Variants in PRKG1 observed in about 807,000 individuals in gnomAD.
PRKG1 encodes the protein protein kinase cGMP-dependent 1, also known as cGMP-dependent protein kinase 1.
Under a neutral mutation model 88.1 loss-of-function variants are expected in PRKG1, and 35 were observed. The ratio of observed to expected loss-of-function variants is 0.40; its 90% CI spans 0.30 to 0.53. The LOEUF (loss-of-function observed/expected upper bound fraction) is 0.53, where lower values mean the gene tolerates loss of function less well. Ranked by LOEUF, PRKG1 falls within the 20% of genes least tolerant of loss-of-function variation. PRKG1 has a pLI of 0.59. For missense variants in PRKG1, 540 were observed against 839.8 expected (o/e 0.64, Z 4.41); for synonymous variants, 303 against 292.5 (o/e 1.04, Z -0.37).
intron 3 of PRKG1, among the ~76,000 whole-genome samples, chr10:51,717,756 C>T (rs567061064): frequency 6.6e-6 from 1 of 151,300 alleles, no homozygotes; most frequent in Non-Finnish European, 1.5e-5. Context: ...GGCGTGAACC[C>T]GGGAGGCGGA....
At chr10:51,898,132 A>C (rs1453229311) in intron 4 of PRKG1, among the ~76,000 whole-genome samples, 1 of 152,036 alleles carries the variant, frequency 6.6e-6, no homozygotes, top group African/African-American at 2.4e-5. Context: ...CTCTGCCTGG[A>C]TGCTCTTCCC....
chr10:52,223,325 G>A (rs1036879837), intron 9 of PRKG1, among the ~76,000 whole-genome samples: 12 of 137,358 alleles, frequency 8.7e-5, no homozygotes, highest in Admixed American at 2.2e-4. Context: ...TGATTATCAC[G>A]TCTTACTTGA....
At chr10:51,945,614 T>C (rs1427972718) in intron 5 of PRKG1, among the ~76,000 whole-genome samples, 1 of 151,856 alleles carries the variant, frequency 6.6e-6, no homozygotes, top group African/African-American at 2.4e-5. Flanking sequence ...TTTCCATGTT[T>C]AGTGCTTCCT....
intron 7 of PRKG1, among the ~76,000 whole-genome samples, chr10:52,102,789 G>A (rs951753570): frequency 1.3e-5 from 2 of 152,016 alleles, no homozygotes; most frequent in Non-Finnish European, 2.9e-5. Context: ...AGACAATCTG[G>A]CAGAAGATTT....
rs112847288 is a variant in PRKG1 at position 51,710,365 on chromosome 10, A to AT, written c.593-94210dup. Among the ~76,000 whole-genome samples, 619 of 151,122 alleles carry AT rather than the reference A, an allele frequency of 4.1e-3. 4 individuals carry two copies. The highest frequency in any genetic ancestry group is 0.027 in the Middle Eastern group (8 of 292). On this transcript the variant is annotated intron_variant, in intron 3 of 17. Coordinates refer to ENST00000373980, the MANE Select transcript of PRKG1 (RefSeq NM_006258.4). Reference sequence around the variant, plus strand: ...CTCTTTCTGAGGTTCAAGATGAAAGATTTTTTTTTTCTTTATTACTGAGAA... The same window carrying AT: ...CTCTTTCTGAGGTTCAAGATGAAAGATTTTTTTTTTTCTTTATTACTGAGAA...
intron 17 of PRKG1, among the ~76,000 whole-genome samples, chr10:52,290,548 T>C (rs1373258719): frequency 2.0e-5 from 3 of 152,166 alleles, no homozygotes; most frequent in African/African-American, 7.2e-5. Context: ...TTTATGAACA[T>C]AAGTTAATTT....
At chr10:52,010,302 G>T (rs1363996990) in intron 5 of PRKG1, among the ~76,000 whole-genome samples, 1 of 151,946 alleles carries the variant, frequency 6.6e-6, no homozygotes, top group Admixed American at 6.6e-5. Context: ...TCCAGAATCT[G>T]TAAGGAACTT....
At chr10:51,114,078 A>G (rs561094138) in intron 1 of PRKG1, among the ~76,000 whole-genome samples, 2 of 152,118 alleles carry the variant, frequency 1.3e-5, no homozygotes, top group South Asian at 4.2e-4. Context: ...CTAGCATTTA[A>G]CATCTTCCAG....
upstream of PRKG1, among the ~76,000 whole-genome samples, chr10:51,069,731 G>C (rs1260405910): frequency 1.3e-5 from 2 of 152,014 alleles, no homozygotes; most frequent in Non-Finnish European, 2.9e-5. Flanking sequence ...CAGTAATGTG[G>C]AAAGCAAAAT....
At chr10:52,062,216 T>G (rs995113348) in intron 6 of PRKG1, among the ~76,000 whole-genome samples, 2 of 152,092 alleles carry the variant, frequency 1.3e-5, no homozygotes, top group African/African-American at 2.4e-5. Flanking sequence ...TGGACAGAAA[T>G]GCTCACCAAG....
intron 2 of PRKG1, among the ~76,000 whole-genome samples, chr10:51,436,040 G>GTTTA (rs1311457436): frequency 4.6e-5 from 7 of 151,902 alleles, no homozygotes; most frequent in Non-Finnish European, 1.0e-4. Flanking sequence ...ATATAATAAG[G>GTTTA]TTTAATCTGA....
intron 1 of PRKG1, among the ~76,000 whole-genome samples, chr10:51,146,306 G>A (rs112013643): frequency 1.3e-5 from 2 of 151,994 alleles, no homozygotes; most frequent in African/African-American, 4.8e-5. Context: ...GCTCATTATA[G>A]TTTTGATTTG....
chr10:51,362,396 G>A (rs927976774), intron 2 of PRKG1, among the ~76,000 whole-genome samples: 1 of 151,556 alleles, frequency 6.6e-6, no homozygotes, highest in Admixed American at 6.6e-5. Flanking sequence ...AAACTTTTAT[G>A]TGAGTCTTCT....
intron 5 of PRKG1, among the ~76,000 whole-genome samples, chr10:51,948,176 T>C (rs1843098738): frequency 1.3e-5 from 2 of 152,202 alleles, no homozygotes; most frequent in Non-Finnish European, 2.9e-5. Flanking sequence ...TAGTTCACCA[T>C]GATTCAAAAC....
chr10:51,961,668 G>T lies in PRKG1; in HGVS notation c.762+54098G>T, dbSNP rs140604898. 4.1e-4 allele frequency among the ~76,000 whole-genome samples: 62 copies of T among 152,262 alleles called. No individual in the cohort carries two copies. The East Asian group carries it at 9.1e-3, about 22-fold the overall frequency. On this transcript the variant is annotated intron_variant, in intron 5 of 17. Coordinates refer to ENST00000373980, the MANE Select transcript of PRKG1 (RefSeq NM_006258.4). ...GATTGTTATTTGTTTGAAATCAAAA[G>T]ATTTAGTCATATCCTCCCTCCCACA...
intron 2 of PRKG1, among the ~76,000 whole-genome samples, chr10:51,305,399 G>A (rs890245339): frequency 6.6e-6 from 1 of 152,076 alleles, no homozygotes; most frequent in Non-Finnish European, 1.5e-5. Context: ...TTGGCTTCCT[G>A]CACAGAAAAG....
chr10:51,843,093 C>CTTTTTTTTTTTTTTTTTTTTTTTTTTTT (rs1167219822), intron 4 of PRKG1, among the ~76,000 whole-genome samples: 1 of 87,912 alleles, frequency 1.1e-5, no homozygotes, highest in Non-Finnish European at 2.3e-5. Context: ...GAAAATTATT[C>CTTTTTTTTTTTTTTTTTTTTTTTTTTTT]TTTTTTTTTT....
intron 3 of PRKG1, among the ~76,000 whole-genome samples, chr10:51,598,010 C>A (rs746739123): frequency 6.6e-6 from 1 of 152,158 alleles, no homozygotes; most frequent in Non-Finnish European, 1.5e-5. Flanking sequence ...ACATGTTGTG[C>A]TAATGATAAT....
At chr10:51,704,733 G>A (rs1841563710) in intron 3 of PRKG1, among the ~76,000 whole-genome samples, 1 of 152,154 alleles carries the variant, frequency 6.6e-6, no homozygotes, top group South Asian at 2.1e-4. Flanking sequence ...AGGAAACCAA[G>A]AGAGTTGGTG....
Sources: allele counts gnomAD v4.1 joint callset (sites outside exome capture counted in the v4.1 genomes callset), GRCh38; gene constraint gnomAD v4.1.1; transcripts MANE v1.5; gene names NCBI Gene and HGNC (gene_info 2026-07-23, HGNC 2026-07-21).